The following NXPE1 variants were observed in gnomAD, a reference collection of about 807,000 sequenced individuals.
NXPE1 encodes the protein neurexophilin and PC-esterase domain family member 1.
Under a neutral mutation model 33.3 loss-of-function variants are expected in NXPE1, and 31 were observed. That is an observed-to-expected ratio of 0.93 (90% CI 0.70 to 1.26). NXPE1 has a LOEUF of 1.26. Among genes scored for constraint, NXPE1 ranks in the 50% most tolerant of loss-of-function variants. The pLI, the probability that NXPE1 is intolerant of heterozygous loss-of-function variation, is 0.00. For missense variants in NXPE1, 661 were observed against 655.6 expected (o/e 1.01, Z -0.09); for synonymous variants, 229 against 231.4 (o/e 0.99, Z 0.09).
rs145153496 is a variant in NXPE1 at position 114,533,297 on chromosome 11, C to T, written c.100-2389G>A. 1.8e-4 allele frequency among the ~76,000 whole-genome samples: 27 copies of T among 152,244 alleles called. No individual in the cohort carries two copies. In the South Asian group the frequency reaches 2.3e-3, roughly 13 times the overall value. On this transcript the variant is annotated intron_variant, in intron 5 of 8. Transcript: ENST00000534921. ...GCATTTAAATTATAGACAATACATT[C>T]GAGCGGGGTGGAGCCAAGATGGCAG...
chr11:114,551,340 C>T, intron 4 of NXPE1, 43 bp downstream of exon 4: 1 of 1,397,094 alleles, frequency 7.2e-7, no homozygotes, highest in South Asian at 1.6e-5. Context: ...GTCTTCTTTC[C>T]CTCTGCTAAC....
intron 5 of NXPE1, 137 bp from the exon 6 acceptor site, chr11:114,531,045 A>G: frequency 1.1e-6 from 1 of 878,500 alleles, no homozygotes; most frequent in Non-Finnish European, 1.6e-6. Context: ...ATATTTGGTA[A>G]TAAAGTGGCA....
chr11:114,525,573 C>A (rs1006340446), intron 7 of NXPE1, among the ~76,000 whole-genome samples: 4 of 152,094 alleles, frequency 2.6e-5, no homozygotes, highest in African/African-American at 9.7e-5. Flanking sequence ...CCCCTTCCCC[C>A]CTTACTATTC....
intron 5 of NXPE1, among the ~76,000 whole-genome samples, chr11:114,531,821 C>G (rs1947594826): frequency 6.6e-6 from 1 of 152,158 alleles, no homozygotes; most frequent in South Asian, 2.1e-4. Context: ...ACTACAACCT[C>G]AGAGGTCACT....
At chr11:114,538,984 C>T (rs1319043398) in intron 5 of NXPE1, among the ~76,000 whole-genome samples, 3 of 149,124 alleles carry the variant, frequency 2.0e-5, no homozygotes, top group Non-Finnish European at 3.0e-5. Flanking sequence ...CACATGCACA[C>T]GTGTGTTTAT....
At chr11:114,532,389 A>C (rs1947616760) in intron 5 of NXPE1, among the ~76,000 whole-genome samples, 1 of 152,172 alleles carries the variant, frequency 6.6e-6, no homozygotes, top group African/African-American at 2.4e-5. Context: ...AAAATATAAA[A>C]AACTTACATT....
chr11:114,554,968 C>T (rs543527841), intron 1 of NXPE1, among the ~76,000 whole-genome samples: 1 of 152,172 alleles, frequency 6.6e-6, no homozygotes, highest in South Asian at 2.1e-4. Flanking sequence ...GGTGCACACC[C>T]TAACTAGATA....
chr11:114,551,026 G>A (rs1948463879), intron 5 of NXPE1, 77 bp downstream of exon 5: 1 of 738,650 alleles, frequency 1.4e-6, no homozygotes, highest in African/African-American at 1.7e-5. Flanking sequence ...AGGACTAATG[G>A]AGTGGGACTG....
At chr11:114,545,377 T>C (rs1948240941) in intron 5 of NXPE1, among the ~76,000 whole-genome samples, 1 of 152,190 alleles carries the variant, frequency 6.6e-6, no homozygotes, top group African/African-American at 2.4e-5. Context: ...TGGGACAATA[T>C]TTAGCAATAA....
downstream of NXPE1, among the ~76,000 whole-genome samples, chr11:114,520,072 C>A (rs980958847): frequency 3.8e-4 from 57 of 151,954 alleles, no homozygotes; most frequent in Admixed American, 3.7e-3. Context: ...AAAGTGCTGG[C>A]ATTACAGGCG....
At chr11:114,536,353 T>G (rs1947823794) in intron 5 of NXPE1, among the ~76,000 whole-genome samples, 1 of 152,064 alleles carries the variant, frequency 6.6e-6, no homozygotes, top group African/African-American at 2.4e-5. Context: ...ATTGACACCC[T>G]AACATCACAA....
At chr11:114,522,853 T>C in intron 8 of NXPE1, 26 bp downstream of exon 8, 2 of 1,522,020 alleles carry the variant, frequency 1.3e-6, no homozygotes, top group Non-Finnish European at 1.8e-6. Context: ...CCTGAATTTC[T>C]AAGAGAATAT....
At chr11:114,552,630 G>A (rs571705499) in intron 2 of NXPE1, among the ~76,000 whole-genome samples, 1 of 151,924 alleles carries the variant, frequency 6.6e-6, no homozygotes, top group South Asian at 2.1e-4. Context: ...TCCTGCCCCC[G>A]AGACTGATCC....
At chr11:114,520,711 C>T (rs987436256), downstream of NXPE1, among the ~76,000 whole-genome samples, 1 of 152,190 alleles carries the variant, frequency 6.6e-6, no homozygotes, top group African/African-American at 2.4e-5. Flanking sequence ...TACCAACTTA[C>T]ATTCCCACCA....
downstream of NXPE1, among the ~76,000 whole-genome samples, chr11:114,520,254 TCCC>T (rs1947183074): frequency 6.6e-6 from 1 of 152,194 alleles, no homozygotes; most frequent in Non-Finnish European, 1.5e-5. Context: ...GACCTACACC[TCCC>T]TGTTTTCTCT....
chr11:114,558,793 T>C (rs1948714632), intron 1 of NXPE1, among the ~76,000 whole-genome samples: 1 of 152,238 alleles, frequency 6.6e-6, no homozygotes, highest in African/African-American at 2.4e-5. Context: ...AGTTTGTGTT[T>C]ATCTATGCCC....
intron 5 of NXPE1, among the ~76,000 whole-genome samples, chr11:114,534,827 G>A (rs1395828238): frequency 1.3e-5 from 2 of 152,188 alleles, no homozygotes; most frequent in Non-Finnish European, 2.9e-5. Context: ...AAAGTGACGG[G>A]GAGAATGGAA....
intron 7 of NXPE1, among the ~76,000 whole-genome samples, chr11:114,524,181 A>G (rs1947297897): frequency 6.6e-6 from 1 of 152,234 alleles, no homozygotes; most frequent in South Asian, 2.1e-4. Context: ...CTTTTAAAGC[A>G]TGACCTAGAA....
intron 7 of NXPE1, 74 bp from the exon 8 acceptor site, chr11:114,523,165 T>C: frequency 9.2e-7 from 1 of 1,091,338 alleles, no homozygotes; most frequent in Non-Finnish European, 1.4e-6. Flanking sequence ...TGGTCTTTCA[T>C]TTTCTTGCTC....
Sources: gnomAD v4.1 joint callset for allele counts (sites outside exome capture counted in the v4.1 genomes callset) on GRCh38, gnomAD v4.1.1 for gene constraint, MANE v1.5 for transcripts, NCBI Gene and HGNC (gene_info 2026-07-23, HGNC 2026-07-21) for gene names.